Variants in AKAP9 observed in about 807,000 individuals in gnomAD.
The protein encoded by AKAP9 is A-kinase anchor protein 9.
Under a neutral mutation model 488.5 loss-of-function variants are expected in AKAP9, and 311 were observed. The observed-to-expected ratio is 0.64, with a 90% CI of 0.58 to 0.70. AKAP9 has a LOEUF of 0.70. Among genes scored for constraint, AKAP9 ranks in the 30% least tolerant of loss-of-function variants. The pLI is 0.00. For missense variants in AKAP9, 4,215 were observed against 4,374.5 expected (o/e 0.96, Z 1.03); for synonymous variants, 1,462 against 1,483.5 (o/e 0.99, Z 0.33).
At chr7:91,988,544 A>G (rs1210579553) in intron 3 of AKAP9, among the ~76,000 whole-genome samples, 5 of 152,180 alleles carry the variant, frequency 3.3e-5, no homozygotes, top group African/African-American at 1.2e-4. Flanking sequence ...CATATTTGCA[A>G]AGTTTAATAA....
chr7:91,942,571 C>G (rs1179826998), intron 1 of AKAP9, among the ~76,000 whole-genome samples: 1 of 152,188 alleles, frequency 6.6e-6, no homozygotes, highest in Non-Finnish European at 1.5e-5. Context: ...CATTGAAGAT[C>G]TGATTAGATG....
chr7:92,059,312 CT>C lies in AKAP9; in HGVS notation c.5602-1945del, dbSNP rs1403990866. 8.6e-5 allele frequency among the ~76,000 whole-genome samples: 13 copies of C among 151,980 alleles called. No homozygotes were observed. The East Asian group carries it at 2.3e-3, about 27-fold the overall frequency. ...TACTCTAACTGAATGGAAGAGGATTCTTTAAATATTAAGTATTTAATGAACA... is the reference window on the plus strand; with the variant it reads ...TACTCTAACTGAATGGAAGAGGATTCTTAAATATTAAGTATTTAATGAACA... On this transcript the variant is annotated intron_variant, in intron 22 of 49. Coordinates refer to ENST00000356239, the MANE Select transcript of AKAP9 (RefSeq NM_005751.5).
chr7:91,953,410 G>A (rs1048294558), intron 1 of AKAP9, among the ~76,000 whole-genome samples: 5 of 152,298 alleles, frequency 3.3e-5, no homozygotes, highest in East Asian at 3.9e-4. Context: ...GGACCAGACC[G>A]TCTAGGCTCA....
At chr7:92,025,682 A>G (rs916526316) in intron 14 of AKAP9, among the ~76,000 whole-genome samples, 2 of 152,182 alleles carry the variant, frequency 1.3e-5, no homozygotes, top group Non-Finnish European at 2.9e-5. Flanking sequence ...CCCTGATTTG[A>G]CCTTTTACTG....
chr7:92,061,584 CTATATATATATATATATATATA>C (rs71528033), intron 23 of AKAP9, among the ~76,000 whole-genome samples, 162 bp downstream of exon 23: 9 of 102,472 alleles, frequency 8.8e-5, no homozygotes, highest in South Asian at 3.2e-4. Flanking sequence ...ATTTTTAAAA[CTATATATATATATATATATATA>C]TATATATATA....
intron 37 of AKAP9, among the ~76,000 whole-genome samples, chr7:92,087,893 A>G (rs527758764): frequency 1.5e-4 from 22 of 150,972 alleles, no homozygotes; most frequent in African/African-American, 5.3e-4. Context: ...ATAAATATAT[A>G]TATAAATAAA....
At chr7:92,004,761 A>G (rs62465385) in intron 8 of AKAP9, among the ~76,000 whole-genome samples, 2,427 of 152,322 alleles carry the variant, frequency 0.016, 33 homozygotes, top group Non-Finnish European at 0.024. Flanking sequence ...CGTCATCTGC[A>G]AACAGGGACA....
chr7:92,064,779 T>G (rs1452297728), intron 24 of AKAP9, among the ~76,000 whole-genome samples: 1 of 152,202 alleles, frequency 6.6e-6, no homozygotes, highest in Admixed American at 6.5e-5. Context: ...GGTTAAAGAT[T>G]TACAGTGTTT....
intron 14 of AKAP9, 35 bp downstream of exon 14, chr7:92,023,044 T>C: frequency 6.3e-7 from 1 of 1,583,156 alleles, no homozygotes; most frequent in Non-Finnish European, 8.7e-7. Flanking sequence ...TCAACAGTAT[T>C]TGTAGCTTTG....
At chr7:92,037,348 G>A (rs1458381471) in intron 16 of AKAP9, among the ~76,000 whole-genome samples, 1 of 152,166 alleles carries the variant, frequency 6.6e-6, no homozygotes, top group African/African-American at 2.4e-5. Context: ...CAGGACCCCA[G>A]ATAGGTGAAT....
intron 26 of AKAP9, among the ~76,000 whole-genome samples, chr7:92,067,243 A>T (rs1038603485): frequency 3.9e-5 from 6 of 152,112 alleles, no homozygotes; most frequent in African/African-American, 1.2e-4. Flanking sequence ...TCTATCTGTG[A>T]CATTTCTGTT....
chr7:92,041,388 A>G (rs17164342), intron 18 of AKAP9: 2,199 of 154,662 alleles, frequency 0.014, 45 homozygotes, highest in African/African-American at 0.05. Context: ...CTTTTTAATC[A>G]TGAATGGAAA....
At chr7:92,030,780 T>C (rs1207183424) in intron 15 of AKAP9, among the ~76,000 whole-genome samples, 6 of 150,162 alleles carry the variant, frequency 4.0e-5, no homozygotes, top group Non-Finnish European at 1.5e-5. Flanking sequence ...GCCATCTAAC[T>C]AAACCACCCC....
chr7:91,955,148 T>C (rs1792803259), intron 1 of AKAP9, among the ~76,000 whole-genome samples: 1 of 152,168 alleles, frequency 6.6e-6, no homozygotes, highest in Non-Finnish European at 1.5e-5. Context: ...TCTAAGTGAC[T>C]GACCTTTCTT....
At chr7:92,013,564 G>A (rs1307060372) in intron 9 of AKAP9, among the ~76,000 whole-genome samples, 2 of 152,178 alleles carry the variant, frequency 1.3e-5, no homozygotes, top group African/African-American at 4.8e-5. Flanking sequence ...GTTGGGGGAG[G>A]TAAGAGTAGT....
chr7:92,041,790 T>C (rs555111302), intron 18 of AKAP9: 35 of 365,406 alleles, frequency 9.6e-5, no homozygotes, highest in South Asian at 8.4e-4. Flanking sequence ...TCAAACTTCT[T>C]AATTTTCAAT....
intron 21 of AKAP9, among the ~76,000 whole-genome samples, chr7:92,050,063 C>CTT (rs35146687): frequency 2.0e-4 from 26 of 129,726 alleles, no homozygotes; most frequent in African/African-American, 3.9e-4. Context: ...TTTCAGCAAA[C>CTT]TTTTTTTTTT....
At chr7:92,018,123 C>T (rs546865543) in intron 12 of AKAP9, among the ~76,000 whole-genome samples, 3 of 152,298 alleles carry the variant, frequency 2.0e-5, no homozygotes, top group East Asian at 3.9e-4. Flanking sequence ...GCGGCGGCTG[C>T]CCAGCTTGTG....
chr7:91,961,070 A>G (rs562576313), intron 1 of AKAP9, among the ~76,000 whole-genome samples: 5 of 152,366 alleles, frequency 3.3e-5, no homozygotes, highest in Admixed American at 2.6e-4. Context: ...ACACATGTCT[A>G]GCACAGTGCC....
Sources: allele counts gnomAD v4.1 joint callset (sites outside exome capture counted in the v4.1 genomes callset), GRCh38; gene constraint gnomAD v4.1.1; transcripts MANE v1.5; gene names NCBI Gene and HGNC (gene_info 2026-07-23, HGNC 2026-07-21).